BRI3: variants seen among roughly 807,000 people sequenced by gnomAD.
BRI3 encodes the protein brain protein I3, also known as membrane protein BRI3.
Under a neutral mutation model 12.8 loss-of-function variants are expected in BRI3, and 6 were observed. The ratio of observed to expected loss-of-function variants is 0.47; its 90% CI spans 0.26 to 0.93. The LOEUF (loss-of-function observed/expected upper bound fraction) is 0.93, where lower values mean the gene tolerates loss of function less well. Among genes scored for constraint, BRI3 ranks in the 40% least tolerant of loss-of-function variants. The probability of loss-of-function intolerance (pLI) is 0.15; values close to 1 mark genes in which losing one functional copy is unlikely to be tolerated. For synonymous variants in BRI3, 91 were observed against 76.1 expected (o/e 1.20, Z -1.02); for missense variants, 134 against 171.1 (o/e 0.78, Z 1.21).
downstream of BRI3, among the ~76,000 whole-genome samples, chr7:98,294,599 T>C (rs183269341): frequency 6.6e-6 from 1 of 152,192 alleles, no homozygotes; most frequent in East Asian, 1.9e-4. Context: ...AAGAAAACAT[T>C]TGTGCCAAAC....
At chr7:98,322,104 C>A in the BRI3 span, among the ~76,000 whole-genome samples, 1 of 151,914 alleles carries the variant, frequency 6.6e-6, no homozygotes, top group Non-Finnish European at 1.5e-5. Context: ...TCCCCGCCCC[C>A]CAAAAAAGGA....
upstream of BRI3, chr7:98,304,105 A>G: frequency 7.4e-7 from 1 of 1,352,990 alleles, no homozygotes; most frequent in South Asian, 1.6e-5. Flanking sequence ...CTGGGGACAG[A>G]GCAGAGCAAG....
downstream of BRI3, among the ~76,000 whole-genome samples, chr7:98,294,268 C>T (rs918381069): frequency 1.3e-5 from 2 of 152,206 alleles, no homozygotes; most frequent in African/African-American, 4.8e-5. Context: ...GCTGGGACTA[C>T]AGGTGTGAGC....
rs112773459 is a variant in BRI3 at position 98,282,388 on chromosome 7, C to T, written c.180C>T (p.His60=). ...ACCATCCCAGGGTCTACAACATCCA[C>T]AGCCGGACCGTCACCCGCTATCCTG... ...PTHHPRVYNI[H]SRTVTRYPAN... Residue 60 remains histidine, a synonymous_variant, in exon 2 of 3, where the codon CAC becomes CAT. Coordinates refer to ENST00000297290, the MANE Select transcript of BRI3 (RefSeq NM_015379.5). 1.3e-3 allele frequency: 2,162 copies of T among 1,614,116 alleles called. 34 individuals carry two copies. The African/African-American group carries it at 0.022, about 17-fold the overall frequency.
chr7:98,318,945 C>CA, the BRI3 span, among the ~76,000 whole-genome samples: 48,489 of 114,280 alleles, frequency 0.42, 10,148 homozygotes, highest in Middle Eastern at 0.59. Flanking sequence ...GACTCCATCT[C>CA]AAAAAAAAAA....
chr7:98,292,288 T>G (rs948888714), downstream of BRI3: 2 of 308,554 alleles, frequency 6.5e-6, no homozygotes, highest in Non-Finnish European at 1.3e-5. Flanking sequence ...AGCAGCATGA[T>G]CTGGCTCACT....
downstream of BRI3, chr7:98,311,948 G>T: frequency 1.4e-6 from 1 of 734,614 alleles, no homozygotes; most frequent in Non-Finnish European, 2.2e-6. Context: ...AGCTACCTTC[G>T]CCCCTAAAGG....
At chr7:98,282,013 C>A in intron 1 of BRI3, 76 bp downstream of exon 1, 2 of 1,298,810 alleles carry the variant, frequency 1.5e-6, no homozygotes, top group Non-Finnish European at 1.9e-6. Flanking sequence ...GGTCCGGAGG[C>A]GGGTGGGGCC....
At chr7:98,306,302 G>A (rs1004171208), upstream of BRI3, 28 of 1,042,424 alleles carry the variant, frequency 2.7e-5, no homozygotes, top group Admixed American at 1.8e-4. Context: ...ACTGTGAGCC[G>A]CGGTCTCATC....
Position 98,281,854 on chromosome 7 carries a change from AG to A in BRI3, c.62del (p.Gly21AlafsTer55). The A allele has an allele frequency of 7.7e-7, 1 of 1,304,472 alleles. No homozygotes were observed. The highest frequency in any genetic ancestry group is 9.8e-7 in the Non-Finnish European group (1 of 1,023,600). 80.8% of individuals were successfully genotyped at this position (1,304,472 alleles called of 1,614,324 possible). A position where few individuals can be genotyped will look rare whatever the true frequency, so the allele number is the denominator to read the frequency against. On this transcript the variant is annotated frameshift_variant, in exon 1 of 3. Transcript: ENST00000297290. LOFTEE classifies it high-confidence loss of function. ...CCCGCCTACAACCTGGAGGCCGGCC[AG>A]GGCGACTACGCGTGCGGCCCGCACG... ...RPPAYNLEAG[Q>X]GDYACGPHGY...
chr7:98,317,385 A>G, the BRI3 span: 1 of 1,610,224 alleles, frequency 6.2e-7, no homozygotes, highest in African/African-American at 1.3e-5. Flanking sequence ...TGCTTATTTT[A>G]CTGTGGCACC....
At chr7:98,304,068 C>A, upstream of BRI3, 1 of 1,005,118 alleles carries the variant, frequency 9.9e-7, no homozygotes, top group South Asian at 2.1e-5. Context: ...CCCCTCCTCC[C>A]TCCTCCCCGG....
At chr7:98,297,757 C>T (rs959167518), downstream of BRI3, among the ~76,000 whole-genome samples, 4 of 152,322 alleles carry the variant, frequency 2.6e-5, no homozygotes, top group Admixed American at 6.5e-5. Flanking sequence ...GTGACGCAAA[C>T]GAAGATGCGT....
At chr7:98,295,139 T>TCATGCCC (rs2116782107), downstream of BRI3, among the ~76,000 whole-genome samples, 1 of 152,310 alleles carries the variant, frequency 6.6e-6, no homozygotes, top group Non-Finnish European at 1.5e-5. Flanking sequence ...GGAGGCCCTC[T>TCATGCCC]CATGCCCGAT....
upstream of BRI3, among the ~76,000 whole-genome samples, chr7:98,305,607 A>G (rs1214994170): frequency 6.6e-6 from 1 of 151,972 alleles, no homozygotes; most frequent in Non-Finnish European, 1.5e-5. Context: ...TTTTTTGTAG[A>G]GATGGGGATC....
At chr7:98,315,157 T>C (rs1029418767), downstream of BRI3, among the ~76,000 whole-genome samples, 16 of 152,228 alleles carry the variant, frequency 1.1e-4, no homozygotes, top group African/African-American at 3.6e-4. Flanking sequence ...GGTCCCGCTC[T>C]GTTGCTCAGG....
chr7:98,290,278 C>T (rs975973435), intron 2 of BRI3, among the ~76,000 whole-genome samples: 1 of 149,572 alleles, frequency 6.7e-6, no homozygotes. Context: ...TCACTGCAAG[C>T]TCCGCTTCCT....
the BRI3 span, chr7:98,317,118 GCTGGGAT>G: frequency 6.9e-7 from 1 of 1,454,086 alleles, no homozygotes; most frequent in Non-Finnish European, 9.5e-7. Flanking sequence ...CTCCCAAAGT[GCTGGGAT>G]TACAGGCGTG....
At chr7:98,296,043 A>T (rs1417101269), downstream of BRI3, among the ~76,000 whole-genome samples, 3 of 152,080 alleles carry the variant, frequency 2.0e-5, no homozygotes, top group African/African-American at 7.2e-5. Flanking sequence ...GAAACAGCCC[A>T]GACCAGAAAC....
Sources: gnomAD v4.1 joint callset for allele counts (sites outside exome capture counted in the v4.1 genomes callset) on GRCh38, gnomAD v4.1.1 for gene constraint, MANE v1.5 for transcripts, NCBI Gene and HGNC (gene_info 2026-07-23, HGNC 2026-07-21) for gene names.